Variants in NDUFS1 observed in about 807,000 individuals in gnomAD.
The protein encoded by NDUFS1 is NADH:ubiquinone oxidoreductase core subunit S1, also known as NADH-ubiquinone oxidoreductase 75 kDa subunit, mitochondrial.
In NDUFS1, 61 loss-of-function variants were observed where a neutral mutation model predicts 84.4. The ratio of observed to expected loss-of-function variants is 0.72; its 90% CI spans 0.59 to 0.89. The LOEUF is 0.89. NDUFS1 is among the 40% of genes least tolerant of loss of function. The pLI is 0.00. For missense variants in NDUFS1, 891 were observed against 890.0 expected (o/e 1.00, Z -0.01); for synonymous variants, 275 against 290.0 (o/e 0.95, Z 0.53).
At chr2:206,142,131 G>T in intron 11 of NDUFS1, 62 bp from the exon 12 acceptor site, 1 of 1,415,464 alleles carries the variant, frequency 7.1e-7, no homozygotes, top group Non-Finnish European at 9.9e-7. Flanking sequence ...GAGAATCCAT[G>T]AAATATTCTC....
chr2:206,142,857 C>T lies in NDUFS1; in HGVS notation c.988-26G>A, dbSNP rs190860715. 3.1e-6 allele frequency: 5 copies of T among 1,613,766 alleles called. No homozygotes were observed. In the East Asian group the frequency reaches 8.9e-5, roughly 29 times the overall value. The stretch of plus-strand genomic sequence containing the variant: ...CTAGAAACAGATGAAAAGGGCATCA[C>T]CAAGAAACCTACACGCAGCAAAGAC... On this transcript the variant is annotated intron_variant, in intron 10 of 18. Transcript: ENST00000233190.
At chr2:206,130,004 G>A in intron 15 of NDUFS1, 84 bp downstream of exon 15, 1 of 1,545,706 alleles carries the variant, frequency 6.5e-7, no homozygotes. Context: ...AAAACATTCA[G>A]TTCACTAAAT....
At chr2:206,128,050 C>A in intron 15 of NDUFS1, 78 bp from the exon 16 acceptor site, 1 of 1,437,278 alleles carries the variant, frequency 7.0e-7, no homozygotes, top group Non-Finnish European at 9.6e-7. Context: ...TAGTATATAT[C>A]ATTTTAAATC....
intron 18 of NDUFS1, 23 bp from the exon 19 acceptor site, chr2:206,124,299 C>A: frequency 1.3e-6 from 2 of 1,552,462 alleles, no homozygotes; most frequent in South Asian, 2.2e-5. Flanking sequence ...AAGAAAATGT[C>A]ATTTTGATAA....
intron 18 of NDUFS1, 108 bp from the exon 19 acceptor site, chr2:206,124,384 T>C: frequency 1.3e-6 from 1 of 780,412 alleles, no homozygotes; most frequent in South Asian, 1.5e-5. Flanking sequence ...TATAAGGCCC[T>C]ATGCAAGTAT....
In NDUFS1 at chr2:206,118,418, G is replaced by A. The variant is rs978917076; in HGVS notation, c.*5767C>T. Reference sequence around the variant, plus strand: ...AGGCAGGTGGATCACTTGAACTCAGGAGTTTAAGACCAGCCTGGGTAACAT... The same window carrying A: ...AGGCAGGTGGATCACTTGAACTCAGAAGTTTAAGACCAGCCTGGGTAACAT... On this transcript the variant is annotated 3_prime_UTR_variant, in exon 19 of 19. Coordinates refer to ENST00000233190, the MANE Select transcript of NDUFS1 (RefSeq NM_005006.7). 2.6e-5 allele frequency: 4 copies of A among 152,182 alleles called. No individual in the cohort carries two copies. Among genetic ancestry groups the A allele is most frequent in the Admixed American group, 2.6e-4 (4 of 15,256 alleles). 9.4% of individuals were successfully genotyped at this position (152,182 alleles called of 1,614,324 possible).
intron 18 of NDUFS1, among the ~76,000 whole-genome samples, chr2:206,124,570 T>G (rs569968554): frequency 6.6e-6 from 1 of 152,172 alleles, no homozygotes; most frequent in Admixed American, 6.6e-5. Flanking sequence ...CCAGGCGCGG[T>G]GGCTCACACC....
At chr2:206,158,394 G>A (rs1245187530) in intron 1 of NDUFS1, among the ~76,000 whole-genome samples, 1 of 152,158 alleles carries the variant, frequency 6.6e-6, no homozygotes, top group African/African-American at 2.4e-5. Flanking sequence ...TGGCTTAAAA[G>A]CCTTTTCTCA....
At chr2:206,141,744 C>T (rs1033034108) in intron 12 of NDUFS1, among the ~76,000 whole-genome samples, 197 bp downstream of exon 12, 1 of 148,548 alleles carries the variant, frequency 6.7e-6, no homozygotes, top group African/African-American at 2.5e-5. Flanking sequence ...CTTGCAGAGC[C>T]GAGATCCTGC....
At chr2:206,127,072 A>T (rs1454748554) in intron 16 of NDUFS1, among the ~76,000 whole-genome samples, 3 of 152,232 alleles carry the variant, frequency 2.0e-5, no homozygotes, top group Admixed American at 6.5e-5. Context: ...TGAAATGAAG[A>T]GACAATACTA....
rs772978667 is a variant in NDUFS1, at chr2:206,138,470, A to G, written c.1392+15T>C. Reference sequence around the variant, plus strand: ...TAAAAATCAACAAGAGTAGATACACATAAGTTGAGAGCACCTGGCTAAATG... The same window carrying G: ...TAAAAATCAACAAGAGTAGATACACGTAAGTTGAGAGCACCTGGCTAAATG... On this transcript the variant is annotated intron_variant, in intron 13 of 18. Transcript: ENST00000233190. The G allele has an allele frequency of 8.1e-6, 13 of 1,612,046 alleles. No individual in the cohort carries two copies. The highest frequency in any genetic ancestry group is 1.3e-5 in the African/African-American group (1 of 74,900).
At chr2:206,147,474 G>T (rs1373512646) in intron 7 of NDUFS1, 57 bp downstream of exon 7, 1 of 1,503,728 alleles carries the variant, frequency 6.7e-7, no homozygotes, top group Admixed American at 1.9e-5. Flanking sequence ...TCATCAAATT[G>T]TGACTATTAA....
chr2:206,123,105 T>G lies in NDUFS1; in HGVS notation c.*1080A>C, dbSNP rs193216463. On this transcript the variant is annotated 3_prime_UTR_variant, in exon 19 of 19. Coordinates refer to ENST00000233190, the MANE Select transcript of NDUFS1 (RefSeq NM_005006.7). ...GTAAAATTTTTACTTCCTTTTTTAT[T>G]TTTTTAAATTCTCAGTGATCCTTAT... 8 of 152,302 alleles carry G rather than the reference T, an allele frequency of 5.3e-5. No individual in the cohort carries two copies. In the East Asian group the frequency reaches 1.5e-3, roughly 29 times the overall value. 9.4% of individuals were successfully genotyped at this position (152,302 alleles called of 1,614,324 possible). A position where few individuals can be genotyped will look rare whatever the true frequency, so the allele number is the denominator to read the frequency against.
At position 206,126,733 on chromosome 2, in the gene NDUFS1, G is replaced by C; in HGVS notation, c.1996C>G (p.Gln666Glu). The C allele has an allele frequency of 6.2e-7, 1 of 1,614,142 alleles. No individual in the cohort carries two copies. The highest frequency in any genetic ancestry group is 2.2e-5 in the East Asian group (1 of 44,870). The change falls in exon 17 of 19, where the codon CAG (glutamine) becomes GAG (glutamate). Residue 666 changes from glutamine to glutamate, a missense_variant. Gln to Glu is a conservative substitution (Grantham distance 29). Transcript: ENST00000233190. Reference protein sequence around the residue: ...YDDIEGANYFQQANELSKLVN... With the variant: ...YDDIEGANYFEQANELSKLVN... ...ACCTTTGAGAGCTCATTTGCTTGCT[G>C]GAAGTAATTAGCCCCTTCAATATCA...
At chr2:206,133,149 T>C in intron 13 of NDUFS1, 44 bp from the exon 14 acceptor site, 1 of 1,487,792 alleles carries the variant, frequency 6.7e-7, no homozygotes, top group Non-Finnish European at 9.2e-7. Context: ...ATATTACAAG[T>C]AAGCTGAACA....
At chr2:206,153,479 A>T (rs1692452455) in intron 2 of NDUFS1, 139 bp downstream of exon 2, 1 of 603,266 alleles carries the variant, frequency 1.7e-6, no homozygotes. Context: ...TACAGGCATG[A>T]GCCACCACAC....
intron 1 of NDUFS1, among the ~76,000 whole-genome samples, chr2:206,154,555 C>T (rs966119844): frequency 3.9e-5 from 6 of 152,106 alleles, no homozygotes; most frequent in Admixed American, 2.0e-4. Flanking sequence ...AAATGGGTGT[C>T]GATTATATAA....
chr2:206,137,833 G>C (rs1279517974), intron 13 of NDUFS1, among the ~76,000 whole-genome samples: 2 of 152,154 alleles, frequency 1.3e-5, no homozygotes, highest in African/African-American at 4.8e-5. Context: ...TTGTAATAAA[G>C]AAAGATTTAA....
At chr2:206,152,012 C>T (rs1228458116) in intron 3 of NDUFS1, among the ~76,000 whole-genome samples, 2 of 152,228 alleles carry the variant, frequency 1.3e-5, no homozygotes, top group African/African-American at 2.4e-5. Flanking sequence ...ATTACAGGTG[C>T]GCGCCACGAT....
Sources: allele counts gnomAD v4.1 joint callset (sites outside exome capture counted in the v4.1 genomes callset), GRCh38; gene constraint gnomAD v4.1.1; transcripts MANE v1.5; gene names NCBI Gene and HGNC (gene_info 2026-07-23, HGNC 2026-07-21).